Variants in SUMF1 observed in about 807,000 individuals in gnomAD.
SUMF1 encodes sulfatase modifying factor 1.
SUMF1 carries 48 observed loss-of-function variants against 47.6 expected under a neutral mutation model. The ratio of observed to expected loss-of-function variants is 1.01; its 90% CI spans 0.80 to 1.28. The LOEUF is 1.28. Ranked by LOEUF, SUMF1 falls within the 50% of genes most tolerant of loss-of-function variation. The pLI is 0.00. For missense variants in SUMF1, 571 were observed against 485.4 expected (o/e 1.18, Z -1.66); for synonymous variants, 230 against 192.1 (o/e 1.20, Z -1.63).
At chr3:4,192,048 T>C (rs1261696203) in intron 8 of SUMF1, among the ~76,000 whole-genome samples, 2 of 152,096 alleles carry the variant, frequency 1.3e-5, no homozygotes, top group Non-Finnish European at 2.9e-5. Flanking sequence ...AAAAATGGCA[T>C]TAGAGACTGA....
intron 8 of SUMF1, among the ~76,000 whole-genome samples, chr3:4,283,830 T>C (rs1195869275): frequency 1.3e-5 from 2 of 152,142 alleles, no homozygotes; most frequent in Non-Finnish European, 2.9e-5. Flanking sequence ...GCCAGCATAT[T>C]TGGCGTCTGG....
At chr3:4,046,015 C>T (rs1375543858) in intron 9 of SUMF1, among the ~76,000 whole-genome samples, 3 of 152,134 alleles carry the variant, frequency 2.0e-5, no homozygotes, top group Non-Finnish European at 2.9e-5. Flanking sequence ...TGCACCACTA[C>T]TGTCCAACCT....
chr3:4,173,221 T>G (rs1421863585), intron 8 of SUMF1, among the ~76,000 whole-genome samples: 3 of 152,202 alleles, frequency 2.0e-5, no homozygotes, highest in African/African-American at 4.8e-5. Context: ...TATATCTCTT[T>G]TGGTACCAGT....
chr3:4,252,870 A>G (rs372101927), intron 8 of SUMF1, among the ~76,000 whole-genome samples: 64 of 152,314 alleles, frequency 4.2e-4, no homozygotes, highest in African/African-American at 1.4e-3. Context: ...ATATTTAAAC[A>G]CAAAAATGCA....
intron 8 of SUMF1, among the ~76,000 whole-genome samples, chr3:4,225,946 G>A (rs150458737): frequency 5.3e-5 from 8 of 152,206 alleles, no homozygotes; most frequent in African/African-American, 1.7e-4. Context: ...ATGTAGGATG[G>A]AGAGCCCATC....
intron 8 of SUMF1, among the ~76,000 whole-genome samples, chr3:4,249,559 G>C (rs1315375018): frequency 6.6e-6 from 1 of 152,112 alleles, no homozygotes; most frequent in Non-Finnish European, 1.5e-5. Flanking sequence ...CTTAATAAAT[G>C]TTTGTGTTCT....
chr3:4,066,716 G>T (rs116736478), intron 9 of SUMF1, among the ~76,000 whole-genome samples: 29 of 152,010 alleles, frequency 1.9e-4, no homozygotes, highest in Non-Finnish European at 4.0e-4. Context: ...CCATCTTCCC[G>T]GCCGATGTCA....
chr3:4,407,070 A>AGGACACACACATG (rs1211788111), intron 7 of SUMF1, among the ~76,000 whole-genome samples: 1 of 141,124 alleles, frequency 7.1e-6, no homozygotes, highest in Non-Finnish European at 1.5e-5. Flanking sequence ...GCACCTCCAC[A>AGGACACACACATG]GGACACACAC....
At chr3:4,352,805 C>T (rs995769279) in intron 8 of SUMF1, among the ~76,000 whole-genome samples, 2 of 150,090 alleles carry the variant, frequency 1.3e-5, no homozygotes, top group South Asian at 4.2e-4. Flanking sequence ...GCCAGGGAAG[C>T]AAATTCACCT....
At chr3:4,352,855 T>C (rs1699533229) in intron 8 of SUMF1, among the ~76,000 whole-genome samples, 4 of 151,808 alleles carry the variant, frequency 2.6e-5, no homozygotes, top group Admixed American at 2.0e-4. Context: ...AGGAAGGAAG[T>C]GCTTCTGAAC....
chr3:4,467,231 T>G lies in SUMF1; in HGVS notation c.15A>C (p.Ala5=). 6.2e-7 allele frequency: 1 copy of G among 1,610,288 alleles called. No homozygotes were observed. The highest frequency in any genetic ancestry group is 8.5e-7 in the Non-Finnish European group (1 of 1,178,728). Residue 5 remains alanine, a synonymous_variant, in exon 1 of 9, where the codon GCA becomes GCC. Transcript: ENST00000272902. ...GGCAACGTCCACACACCAGCCCTAG[T>G]GCGGGCGCAGCCATGTTGTCCCGCG... MAAP[A]LGLVCGRCPE... is the part of the protein sequence containing the mutation.
intron 8 of SUMF1, among the ~76,000 whole-genome samples, chr3:4,225,597 T>C (rs1306606847): frequency 6.6e-6 from 1 of 152,112 alleles, no homozygotes; most frequent in Non-Finnish European, 1.5e-5. Context: ...CACTGGTGAA[T>C]AGTCCAAATC....
At chr3:4,096,242 T>A (rs1176440114) in intron 8 of SUMF1, among the ~76,000 whole-genome samples, 3 of 152,156 alleles carry the variant, frequency 2.0e-5, no homozygotes, top group Admixed American at 6.5e-5. Context: ...TCGGTCATCA[T>A]GCCTGAGAAC....
chr3:4,209,187 T>C (rs1485256), intron 8 of SUMF1, among the ~76,000 whole-genome samples: 92,963 of 151,928 alleles, frequency 0.61, 28,649 homozygotes, highest in South Asian at 0.68. Flanking sequence ...ATTATATACG[T>C]GCTGCTGCAG....
rs1465863381 is a variant in SUMF1, at chr3:4,226,269, T to C, written c.1014+150061A>G. ...TTATTGTTTTTTTTTTGTTTCTTTTTTTTTTTTTTTTTTTTTTTGAGACAG... is the reference window on the plus strand; with the variant it reads ...TTATTGTTTTTTTTTTGTTTCTTTTCTTTTTTTTTTTTTTTTTTGAGACAG... On this transcript the variant is annotated intron_variant and NMD_transcript_variant, in intron 8 of 12. Transcript: ENST00000448413. 7.5e-5 allele frequency among the ~76,000 whole-genome samples: 7 copies of C among 93,134 alleles called. No homozygotes were observed. The East Asian group carries it at 1.1e-3, about 15-fold the overall frequency. 61.1% of individuals were successfully genotyped at this position (93,134 alleles called of 152,430 possible).
intron 8 of SUMF1, among the ~76,000 whole-genome samples, chr3:4,167,004 A>G (rs772621531): frequency 6.6e-6 from 1 of 152,022 alleles, no homozygotes; most frequent in Non-Finnish European, 1.5e-5. Context: ...TCTAAGGAAA[A>G]ATAGGACAGA....
At chr3:4,072,811 G>T (rs1053332913) in intron 8 of SUMF1, among the ~76,000 whole-genome samples, 3 of 152,154 alleles carry the variant, frequency 2.0e-5, no homozygotes, top group African/African-American at 7.2e-5. Flanking sequence ...AATGAACAAA[G>T]CCTCCAAGAA....
intron 7 of SUMF1, among the ~76,000 whole-genome samples, chr3:4,391,543 C>T (rs1039116963): frequency 2.6e-5 from 4 of 151,676 alleles, no homozygotes; most frequent in Non-Finnish European, 5.9e-5. Context: ...GAGTGTATTG[C>T]CATGATCTGG....
intron 8 of SUMF1, among the ~76,000 whole-genome samples, chr3:4,198,693 G>C (rs553815195): frequency 3.3e-5 from 5 of 151,988 alleles, no homozygotes; most frequent in African/African-American, 9.7e-5. Flanking sequence ...GGAGTAATTA[G>C]AGGAAGATCT....
Sources: gnomAD v4.1 joint callset for allele counts (sites outside exome capture counted in the v4.1 genomes callset) on GRCh38, gnomAD v4.1.1 for gene constraint, MANE v1.5 for transcripts, NCBI Gene and HGNC (gene_info 2026-07-23, HGNC 2026-07-21) for gene names.